NAALADL2: variants seen among roughly 807,000 people sequenced by gnomAD.
The protein encoded by NAALADL2 is N-acetylated alpha-linked acidic dipeptidase like 2, also known as inactive N-acetylated-alpha-linked acidic dipeptidase-like protein 2.
In NAALADL2, 76 loss-of-function variants were observed where a neutral mutation model predicts 87.2. The ratio of observed to expected loss-of-function variants is 0.87; its 90% CI spans 0.72 to 1.05. The LOEUF is 1.05. Among genes scored for constraint, NAALADL2 ranks in the 50% least tolerant of loss-of-function variants. The pLI, the probability that NAALADL2 is intolerant of heterozygous loss-of-function variation, is 0.00. For missense variants in NAALADL2, 1,089 were observed against 945.8 expected (o/e 1.15, Z -1.99); for synonymous variants, 354 against 331.0 (o/e 1.07, Z -0.75).
chr3:175,017,573 G>T (rs1024987498), intron 1 of NAALADL2, among the ~76,000 whole-genome samples: 1 of 151,902 alleles, frequency 6.6e-6, no homozygotes, highest in Non-Finnish European at 1.5e-5. Flanking sequence ...GAGTCAGCAG[G>T]CCTGTTTTTA....
Position 174,691,360 on chromosome 3 carries a change from C to T in NAALADL2, c.-114-46281C>T, listed in dbSNP as rs939709648. Among the ~76,000 whole-genome samples, 4 of 151,736 alleles carry T rather than the reference C, an allele frequency of 2.6e-5. No individual in the cohort carries two copies. The East Asian group carries it at 5.8e-4, about 22-fold the overall frequency. On this transcript the variant is annotated intron_variant, in intron 2 of 3. Coordinates refer to the NAALADL2 transcript ENST00000434257. The stretch of plus-strand genomic sequence containing the variant: ...CCGGGAGGCAGAGGTTGCAGTGGTC[C>T]GAGATCGCGCCACTGCACTCTGGCC...
chr3:175,565,260 A>C (rs2149525265), intron 9 of NAALADL2, among the ~76,000 whole-genome samples: 1 of 152,354 alleles, frequency 6.6e-6, no homozygotes, highest in Middle Eastern at 3.4e-3. Flanking sequence ...TGAAATAAAA[A>C]GAACTCATCT....
intron 1 of NAALADL2, among the ~76,000 whole-genome samples, chr3:174,981,407 A>C (rs1403889485): frequency 6.6e-6 from 1 of 152,180 alleles, no homozygotes. Context: ...GTGGCCATGT[A>C]ATTCATAGTA....
At chr3:174,650,922 G>T (rs1280178483) in intron 2 of NAALADL2, among the ~76,000 whole-genome samples, 1 of 151,884 alleles carries the variant, frequency 6.6e-6, no homozygotes. Context: ...ATTGCATTTA[G>T]CCTAATTATC....
chr3:175,471,561 A>G, intron 8 of NAALADL2, 78 bp from the exon 9 acceptor site: 2 of 788,634 alleles, frequency 2.5e-6, no homozygotes, highest in Non-Finnish European at 2.1e-6. Context: ...TGAAATGTTC[A>G]TTATTCAACA....
intron 13 of NAALADL2, among the ~76,000 whole-genome samples, chr3:175,759,569 G>C (rs548315790): frequency 2.0e-5 from 3 of 152,100 alleles, no homozygotes; most frequent in Admixed American, 6.5e-5. Flanking sequence ...TGTTGGTCAG[G>C]CTGGTCTCAA....
intron 2 of NAALADL2, among the ~76,000 whole-genome samples, chr3:175,174,675 AG>A (rs774563649): frequency 9.2e-5 from 14 of 152,076 alleles, no homozygotes; most frequent in Non-Finnish European, 5.9e-5. Context: ...AAAAAATAAA[AG>A]TTCATATATA....
rs1274806189 is a variant in NAALADL2, at chr3:175,805,284, TTTC to T, written c.*2088_*2090del. 1.1e-4 allele frequency: 17 copies of T among 151,986 alleles called. No homozygotes were observed. In the East Asian group the frequency reaches 2.5e-3, roughly 23 times the overall value. The allele number at this position is 151,986 out of a possible 1,614,324, so 9.4% of individuals were successfully genotyped here. A position where few individuals can be genotyped will look rare whatever the true frequency, so the allele number is the denominator to read the frequency against. ...AATAGCACTGAGAACAGAAAACATGTTTCTTCTTCATTTTGTTTAAAGATTGCG... is the reference window on the plus strand; with the variant it reads ...AATAGCACTGAGAACAGAAAACATGTTTCTTCATTTTGTTTAAAGATTGCG... On this transcript the variant is annotated 3_prime_UTR_variant, in exon 14 of 14. Coordinates refer to ENST00000454872, the MANE Select transcript of NAALADL2 (RefSeq NM_207015.3).
intron 5 of NAALADL2, among the ~76,000 whole-genome samples, chr3:175,341,469 A>T (rs537261017): frequency 6.6e-6 from 1 of 152,100 alleles, no homozygotes; most frequent in African/African-American, 2.4e-5. Flanking sequence ...AAATATTCAC[A>T]TATACGTTTT....
chr3:174,727,812 C>T (rs891453954), intron 2 of NAALADL2, among the ~76,000 whole-genome samples: 2 of 152,062 alleles, frequency 1.3e-5, no homozygotes, highest in African/African-American at 2.4e-5. Context: ...TGGCACATAT[C>T]GACCATTAGA....
intron 9 of NAALADL2, among the ~76,000 whole-genome samples, chr3:175,566,430 C>G (rs1717158115): frequency 6.6e-6 from 1 of 152,204 alleles, no homozygotes; most frequent in Admixed American, 6.5e-5. Context: ...TACAGAATAT[C>G]TCAGCACATT....
intron 2 of NAALADL2, among the ~76,000 whole-genome samples, chr3:174,631,409 TG>T (rs2108695305): frequency 6.6e-6 from 1 of 152,330 alleles, no homozygotes; most frequent in South Asian, 2.1e-4. Context: ...GATACTTTTT[TG>T]AGTTTGGTGT....
chr3:174,726,329 G>A (rs186345236), intron 2 of NAALADL2, among the ~76,000 whole-genome samples: 30 of 152,172 alleles, frequency 2.0e-4, no homozygotes, highest in Admixed American at 1.9e-3. Flanking sequence ...CATACCCAGT[G>A]GAAAAGCAAA....
chr3:175,466,159 G>A (rs1283623310), intron 7 of NAALADL2, among the ~76,000 whole-genome samples: 2 of 151,916 alleles, frequency 1.3e-5, no homozygotes, highest in Non-Finnish European at 2.9e-5. Flanking sequence ...GGGACATCTG[G>A]TAAAAAAATG....
intron 2 of NAALADL2, among the ~76,000 whole-genome samples, chr3:175,147,737 C>T (rs1333394203): frequency 6.6e-6 from 1 of 152,138 alleles, no homozygotes; most frequent in Non-Finnish European, 1.5e-5. Context: ...CTTTTCTCTG[C>T]AGCCTCGTCA....
At chr3:175,357,075 C>G (rs989884046) in intron 5 of NAALADL2, among the ~76,000 whole-genome samples, 5 of 152,114 alleles carry the variant, frequency 3.3e-5, no homozygotes, top group Admixed American at 2.6e-4. Flanking sequence ...GTCATGGAAC[C>G]TTTTCTTTTT....
At position 175,759,505 on chromosome 3, in the gene NAALADL2, A is replaced by G. The variant is rs1377026966; in HGVS notation, c.2189+4087A>G. Among the ~76,000 whole-genome samples the G allele has an allele frequency of 2.0e-5, 3 of 151,824 alleles. No homozygotes were observed. The East Asian group carries it at 5.8e-4, about 30-fold the overall frequency. ...CCTGAGTAGCTGGGATTACAGGCGCATGCCACCATGCCTGGCTCATTTTTG... is the reference window on the plus strand; with the variant it reads ...CCTGAGTAGCTGGGATTACAGGCGCGTGCCACCATGCCTGGCTCATTTTTG... On this transcript the variant is annotated intron_variant, in intron 13 of 13. Transcript: ENST00000454872.
intron 2 of NAALADL2, among the ~76,000 whole-genome samples, chr3:175,129,869 T>C (rs938176356): frequency 2.0e-5 from 3 of 152,168 alleles, no homozygotes; most frequent in African/African-American, 7.2e-5. Flanking sequence ...ATAGTAGTCC[T>C]TTTTTAACTT....
chr3:174,762,172 T>C (rs980036389), intron 3 of NAALADL2, among the ~76,000 whole-genome samples: 2 of 150,780 alleles, frequency 1.3e-5, no homozygotes, highest in Non-Finnish European at 3.0e-5. Flanking sequence ...TGCTTTTTTT[T>C]CTTTTGAGAC....
Sources: allele counts gnomAD v4.1 joint callset (sites outside exome capture counted in the v4.1 genomes callset), GRCh38; gene constraint gnomAD v4.1.1; transcripts MANE v1.5; gene names NCBI Gene and HGNC (gene_info 2026-07-23, HGNC 2026-07-21).